FILIP1: variants seen among roughly 807,000 people sequenced by gnomAD.
FILIP1 encodes the protein filamin-A-interacting protein 1.
FILIP1 carries 61 observed loss-of-function variants against 102.1 expected under a neutral mutation model. That is an observed-to-expected ratio of 0.60 (90% CI 0.49 to 0.74). The LOEUF (loss-of-function observed/expected upper bound fraction) is 0.74, where lower values mean the gene tolerates loss of function less well. Among genes scored for constraint, FILIP1 ranks in the 30% least tolerant of loss-of-function variants. The pLI, the probability that FILIP1 is intolerant of heterozygous loss-of-function variation, is 0.00. For synonymous variants in FILIP1, 491 were observed against 526.9 expected, an observed-to-expected ratio of 0.93 and a Z score of 0.93; for missense variants, 1,314 against 1,441.2, an observed-to-expected ratio of 0.91 and a Z score of 1.43.
At chr6:75,435,528 G>C (rs760464149) in intron 1 of FILIP1, among the ~76,000 whole-genome samples, 4 of 152,156 alleles carry the variant, frequency 2.6e-5, no homozygotes, top group Non-Finnish European at 4.4e-5. Context: ...AGGTTTCCTG[G>C]AATACAGTAA....
chr6:75,366,709 T>C (rs1000238751), intron 2 of FILIP1, among the ~76,000 whole-genome samples: 1 of 152,214 alleles, frequency 6.6e-6, no homozygotes, highest in Non-Finnish European at 1.5e-5. Context: ...ATTAAATAAC[T>C]TTTTGCTGCA....
chr6:75,483,522 T>C (rs564728241), intron 1 of FILIP1, among the ~76,000 whole-genome samples: 1 of 152,246 alleles, frequency 6.6e-6, no homozygotes, highest in East Asian at 1.9e-4. Context: ...AATATTATAT[T>C]GGTCCCCAAG....
chr6:75,482,367 T>A (rs1424306897), intron 1 of FILIP1, among the ~76,000 whole-genome samples: 1 of 152,228 alleles, frequency 6.6e-6, no homozygotes, highest in South Asian at 2.1e-4. Context: ...GAAACATTAA[T>A]TAAATGGCAG....
chr6:75,417,795 C>T (rs1357231286), intron 1 of FILIP1, among the ~76,000 whole-genome samples: 1 of 152,192 alleles, frequency 6.6e-6, no homozygotes, highest in East Asian at 1.9e-4. Flanking sequence ...GAACTCAGGT[C>T]GGACACTAAA....
At chr6:75,372,728 GAGAAAGAAAGAA>G (rs71002736) in intron 2 of FILIP1, among the ~76,000 whole-genome samples, 1,120 of 61,322 alleles carry the variant, frequency 0.018, 30 homozygotes, top group East Asian at 0.044. Context: ...GAAAGAGAAA[GAGAAAGAAAGAA>G]AGAAAGAAAG....
intron 6 of FILIP1, chr6:75,296,475 T>TTTTTTTTTATTATTA (rs565379089): frequency 2.7e-3 from 383 of 140,390 alleles, no homozygotes; most frequent in African/African-American, 9.7e-3. Context: ...ACTCTATATG[T>TTTTTTTTTATTATTA]TTATTATTAT....
chr6:75,426,996 CCA>C (rs989085967), intron 1 of FILIP1, among the ~76,000 whole-genome samples: 1 of 152,094 alleles, frequency 6.6e-6, no homozygotes, highest in Non-Finnish European at 1.5e-5. Context: ...CCCATTACTT[CCA>C]CCAGACTACC....
exon 7 of FILIP1, chr6:75,295,259 G>C (rs1772640183): frequency 1.3e-5 from 2 of 152,078 alleles, no homozygotes. Context: ...TTTTGGCCCA[G>C]AACACCAGAA....
downstream of FILIP1, among the ~76,000 whole-genome samples, chr6:75,303,325 G>C (rs1431502815): frequency 1.3e-5 from 2 of 152,184 alleles, no homozygotes; most frequent in Non-Finnish European, 2.9e-5. Flanking sequence ...GGGTGTAGAT[G>C]AAATAACCAG....
At chr6:75,452,123 T>C (rs1428681743) in intron 1 of FILIP1, among the ~76,000 whole-genome samples, 2 of 151,814 alleles carry the variant, frequency 1.3e-5, no homozygotes, top group Non-Finnish European at 2.9e-5. Flanking sequence ...TTAGTTATTA[T>C]TATACTTTAA....
At chr6:75,483,477 G>A (rs1322877513) in intron 1 of FILIP1, among the ~76,000 whole-genome samples, 1 of 152,138 alleles carries the variant, frequency 6.6e-6, no homozygotes, top group Non-Finnish European at 1.5e-5. Context: ...CAGAATGTCT[G>A]GGGTAAAGTA....
chr6:75,425,124 C>G (rs1369439965), intron 1 of FILIP1, among the ~76,000 whole-genome samples: 1 of 152,076 alleles, frequency 6.6e-6, no homozygotes, highest in Non-Finnish European at 1.5e-5. Context: ...ACTACATAAA[C>G]CAAGAAAGGA....
At chr6:75,421,382 G>A (rs986046073) in intron 1 of FILIP1, among the ~76,000 whole-genome samples, 12 of 152,022 alleles carry the variant, frequency 7.9e-5, no homozygotes, top group African/African-American at 1.7e-4. Context: ...GGGATGTATC[G>A]GCTCCACAGG....
chr6:75,430,507 ATAT>A (rs1322037504), intron 1 of FILIP1, among the ~76,000 whole-genome samples: 1 of 152,142 alleles, frequency 6.6e-6, no homozygotes, highest in Non-Finnish European at 1.5e-5. Flanking sequence ...ATTATAACAA[ATAT>A]TATATGTATA....
chr6:75,448,314 C>T (rs1778508170), intron 1 of FILIP1, among the ~76,000 whole-genome samples: 1 of 152,036 alleles, frequency 6.6e-6, no homozygotes, highest in South Asian at 2.1e-4. Flanking sequence ...GGTGAGAGTT[C>T]CTATTTACAA....
chr6:75,382,287 G>A (rs760494381), intron 2 of FILIP1, among the ~76,000 whole-genome samples: 3 of 152,220 alleles, frequency 2.0e-5, no homozygotes, highest in East Asian at 1.9e-4. Context: ...AGCCACTGCT[G>A]CTGGGAGACA....
At chr6:75,359,470 A>G (rs1775110140) in intron 3 of FILIP1, among the ~76,000 whole-genome samples, 1 of 152,240 alleles carries the variant, frequency 6.6e-6, no homozygotes, top group South Asian at 2.1e-4. Context: ...AAGATTATCC[A>G]ACTCAAGAAC....
chr6:75,349,630 A>G (rs1379626756), intron 4 of FILIP1, among the ~76,000 whole-genome samples: 2 of 152,252 alleles, frequency 1.3e-5, no homozygotes, highest in Non-Finnish European at 2.9e-5. Context: ...GACTTGGAAC[A>G]GTCTATAGGA....
rs1468070174 is a variant in FILIP1 at position 75,315,131 on chromosome 6, T to C, written c.701A>G (p.Asn234Ser). The C allele has an allele frequency of 6.2e-7, 1 of 1,607,514 alleles. No individual in the cohort carries two copies. The highest frequency in any genetic ancestry group is 8.5e-7 in the Non-Finnish European group (1 of 1,178,348). ...TTTAACAAGCTCATCTCTTAGTTTA[T>C]TGAGTCGTTTAGCATTTTCCTTTTC... ...RKEKENAKRL[N>S]KLRDELVKLK... The change falls in exon 5 of 6, where the codon AAT becomes AGT. Residue 234 changes from asparagine (N) to serine (S), a missense_variant. Coordinates refer to ENST00000237172, the MANE Select transcript of FILIP1 (RefSeq NM_015687.5).
Sources: gnomAD v4.1 joint callset for allele counts (sites outside exome capture counted in the v4.1 genomes callset) on GRCh38, gnomAD v4.1.1 for gene constraint, MANE v1.5 for transcripts, NCBI Gene and HGNC (gene_info 2026-07-23, HGNC 2026-07-21) for gene names.